Variants in IL1RAPL1 observed in about 807,000 individuals in gnomAD.
IL1RAPL1 encodes the protein interleukin-1 receptor accessory protein-like 1.
IL1RAPL1 carries 3 observed loss-of-function variants against 48.4 expected under a neutral mutation model. That is an observed-to-expected ratio of 0.06 (90% CI 0.03 to 0.16). IL1RAPL1 has a LOEUF of 0.16. Among genes scored for constraint, IL1RAPL1 ranks in the 10% least tolerant of loss-of-function variants. The probability of loss-of-function intolerance (pLI) is 1.00; values close to 1 mark genes in which losing one functional copy is unlikely to be tolerated. For missense variants in IL1RAPL1, 349 were observed against 530.6 expected, an observed-to-expected ratio of 0.66 and a Z score of 3.36; for synonymous variants, 185 against 187.7, an observed-to-expected ratio of 0.99 and a Z score of 0.12.
rs181728702 is a variant in IL1RAPL1, at chrX:29,414,613, C to A, written c.703+15305C>A. ...GTGCATGTCTGTAGTTCCTGCTACT[C>A]AGGAGGCTGAGGTGGGAGAATCGCC... On this transcript the variant is annotated intron_variant, in intron 5 of 10. Transcript: ENST00000378993. Among the ~76,000 whole-genome samples, 377 of 111,049 alleles carry A rather than the reference C, an allele frequency of 3.4e-3. 1 individual carries two copies. The highest frequency in any genetic ancestry group is 0.012 in the African/African-American group (356 of 30,558).
chrX:29,718,727 C>T (rs1051293168), intron 6 of IL1RAPL1, among the ~76,000 whole-genome samples: 4 of 110,744 alleles, frequency 3.6e-5, no homozygotes, highest in African/African-American at 1.3e-4. Context: ...AGAGGGCTGG[C>T]CTTTTGAGCA....
At chrX:29,722,236 A>G (rs1281794079) in intron 6 of IL1RAPL1, among the ~76,000 whole-genome samples, 1 of 112,301 alleles carries the variant, frequency 8.9e-6, no homozygotes, top group African/African-American at 3.2e-5. Flanking sequence ...AATGTCTTAT[A>G]TGTCACTTAT....
At chrX:28,999,354 C>G (rs1234515421) in intron 2 of IL1RAPL1, among the ~76,000 whole-genome samples, 6 of 111,473 alleles carry the variant, frequency 5.4e-5, no homozygotes, top group African/African-American at 9.8e-5. Context: ...TTACTGATTT[C>G]TTTGTCAGAA....
chrX:29,707,008 G>A (rs1326186172), intron 6 of IL1RAPL1, among the ~76,000 whole-genome samples: 2 of 111,732 alleles, frequency 1.8e-5, no homozygotes, highest in Non-Finnish European at 3.8e-5. Flanking sequence ...CAGACAACCC[G>A]CAGAGTGGGA....
chrX:29,418,030 C>T (rs1934238329), intron 5 of IL1RAPL1, among the ~76,000 whole-genome samples: 1 of 98,912 alleles, frequency 1.0e-5, no homozygotes, highest in Non-Finnish European at 2.0e-5. Context: ...AAAATTGAGG[C>T]TTGTGCTGTC....
At chrX:29,149,183 G>A (rs1032744808) in intron 2 of IL1RAPL1, among the ~76,000 whole-genome samples, 13 of 110,488 alleles carry the variant, frequency 1.2e-4, no homozygotes, top group African/African-American at 3.3e-4. Context: ...TAATTCAGTC[G>A]TGCTAAGCAT....
chrX:28,672,243 A>G (rs1004601753), intron 1 of IL1RAPL1, among the ~76,000 whole-genome samples: 1 of 111,941 alleles, frequency 8.9e-6, no homozygotes, highest in Non-Finnish European at 1.9e-5. Flanking sequence ...AAATAAAATT[A>G]GGGTTTTTTA....
intron 2 of IL1RAPL1, among the ~76,000 whole-genome samples, chrX:28,894,223 G>A (rs1300014872): frequency 8.9e-6 from 1 of 112,139 alleles, no homozygotes; most frequent in African/African-American, 3.2e-5. Flanking sequence ...GCAAGAGTGC[G>A]GGCTTGACTT....
chrX:29,268,235 G>T (rs1171879623), intron 2 of IL1RAPL1, among the ~76,000 whole-genome samples: 1 of 111,955 alleles, frequency 8.9e-6, no homozygotes, highest in Non-Finnish European at 1.9e-5. Context: ...AGAAGTCAGG[G>T]ACTACAGTTA....
chrX:29,662,394 T>C (rs1925871495), intron 5 of IL1RAPL1, among the ~76,000 whole-genome samples: 1 of 111,585 alleles, frequency 9.0e-6, no homozygotes, highest in Non-Finnish European at 1.9e-5. Flanking sequence ...TCTCTATCTC[T>C]TTAGCTGCTT....
At chrX:28,828,902 A>G (rs1463392769) in intron 2 of IL1RAPL1, among the ~76,000 whole-genome samples, 1 of 111,809 alleles carries the variant, frequency 8.9e-6, no homozygotes, top group African/African-American at 3.2e-5. Context: ...AGATGTTGAA[A>G]AGGATTGCCT....
intron 1 of IL1RAPL1, among the ~76,000 whole-genome samples, chrX:28,788,898 G>A (rs5943549): frequency 0.49 from 54,043 of 110,788 alleles, 9,514 homozygotes; most frequent in East Asian, 0.76. Context: ...TTTAATCTCT[G>A]TTGGAAAGAA....
intron 2 of IL1RAPL1, among the ~76,000 whole-genome samples, chrX:29,013,385 A>G (rs1411981868): frequency 8.9e-6 from 1 of 111,932 alleles, no homozygotes; most frequent in Non-Finnish European, 1.9e-5. Flanking sequence ...AAAAGAATAT[A>G]AATCATCCTG....
At chrX:29,516,021 G>A (rs937755795) in intron 5 of IL1RAPL1, among the ~76,000 whole-genome samples, 1 of 111,692 alleles carries the variant, frequency 9.0e-6, no homozygotes, top group African/African-American at 3.3e-5. Context: ...GTGATATGAT[G>A]CCCTCTTTGT....
intron 3 of IL1RAPL1, among the ~76,000 whole-genome samples, chrX:29,365,477 C>G (rs1933438785): frequency 8.9e-6 from 1 of 112,218 alleles, no homozygotes; most frequent in Non-Finnish European, 1.9e-5. Flanking sequence ...GGGTGGATCA[C>G]TTGAGGCCAG....
chrX:28,701,018 G>T (rs1230213385), intron 1 of IL1RAPL1, among the ~76,000 whole-genome samples: 1 of 111,613 alleles, frequency 9.0e-6, no homozygotes, highest in Non-Finnish European at 1.9e-5. Context: ...AAACATATGC[G>T]TGCATGTGTC....
chrX:29,111,506 G>T (rs935107724), intron 2 of IL1RAPL1, among the ~76,000 whole-genome samples: 9 of 111,533 alleles, frequency 8.1e-5, no homozygotes, highest in African/African-American at 2.9e-4. Flanking sequence ...TGTTGATGGT[G>T]GGTGGCTTGA....
At chrX:28,873,857 A>G (rs1253691774) in intron 2 of IL1RAPL1, among the ~76,000 whole-genome samples, 1 of 109,834 alleles carries the variant, frequency 9.1e-6, no homozygotes, top group Non-Finnish European at 1.9e-5. Flanking sequence ...CATTATTAAG[A>G]AGAATATTGG....
chrX:29,853,736 G>A (rs1467578836), intron 6 of IL1RAPL1, among the ~76,000 whole-genome samples: 1 of 111,466 alleles, frequency 9.0e-6, no homozygotes, highest in Non-Finnish European at 1.9e-5. Flanking sequence ...ATCTATTCCT[G>A]ATGGTGTAAA....
Sources: gnomAD v4.1 joint callset for allele counts (sites outside exome capture counted in the v4.1 genomes callset) on GRCh38, gnomAD v4.1.1 for gene constraint, MANE v1.5 for transcripts, NCBI Gene and HGNC (gene_info 2026-07-23, HGNC 2026-07-21) for gene names.